RBFOX1: variants seen among roughly 807,000 people sequenced by gnomAD.
RBFOX1 encodes RNA binding protein fox-1 homolog 1.
A neutral mutation model predicts 57.7 loss-of-function variants in RBFOX1; 8 were observed. That is an observed-to-expected ratio of 0.14 (90% CI 0.08 to 0.25). The LOEUF is 0.25. Among genes scored for constraint, RBFOX1 ranks in the 10% least tolerant of loss-of-function variants. RBFOX1 has a pLI of 1.00. For synonymous variants in RBFOX1, 326 were observed against 222.4 expected, an observed-to-expected ratio of 1.47 and a Z score of -4.15; for missense variants, 611 against 548.5, an observed-to-expected ratio of 1.11 and a Z score of -1.14.
chr16:5,792,311 A>G (rs1019160548), intron 3 of RBFOX1, among the ~76,000 whole-genome samples: 1 of 152,190 alleles, frequency 6.6e-6, no homozygotes, highest in African/African-American at 2.4e-5. Context: ...CTAGAGAGAC[A>G]ACATCACAGC....
intron 4 of RBFOX1, among the ~76,000 whole-genome samples, chr16:7,485,202 TTTTG>T (rs1255451796): frequency 5.3e-5 from 8 of 152,196 alleles, no homozygotes; most frequent in African/African-American, 7.2e-5. Context: ...CTACCTGTTA[TTTTG>T]TTTTACAACT....
rs576469651 is a variant in RBFOX1 at position 7,031,287 on chromosome 16, A to C, written c.-15-20770A>C. ...GGCAGGTTGTTTAACCTTTGTGACT[A>C]CACTGTAGAGATAAAAGCAGTATCA... On this transcript the variant is annotated intron_variant, in intron 3 of 15. Transcript: ENST00000550418. Among the ~76,000 whole-genome samples the C allele has an allele frequency of 4.6e-5, 7 of 152,260 alleles. No individual in the cohort carries two copies. The East Asian group carries it at 1.4e-3, about 29-fold the overall frequency.
intron 2 of RBFOX1, among the ~76,000 whole-genome samples, chr16:6,539,832 C>G (rs1037357441): frequency 2.6e-5 from 4 of 151,966 alleles, no homozygotes; most frequent in Admixed American, 2.6e-4. Flanking sequence ...CACACACACA[C>G]ACACAGACTT....
At chr16:5,790,873 T>G (rs1298927315) in intron 3 of RBFOX1, among the ~76,000 whole-genome samples, 1 of 131,782 alleles carries the variant, frequency 7.6e-6, no homozygotes, top group Non-Finnish European at 1.6e-5. Context: ...TTTTTTTTTT[T>G]GTTTTTTTTT....
chr16:5,473,683 A>T (rs1488863352), intron 2 of RBFOX1, among the ~76,000 whole-genome samples: 1 of 81,274 alleles, frequency 1.2e-5, no homozygotes, highest in Non-Finnish European at 2.2e-5. Context: ...GGGTGGGTAG[A>T]TGGTTGGATG....
At chr16:6,989,047 G>C (rs2090946124) in intron 3 of RBFOX1, among the ~76,000 whole-genome samples, 2 of 152,072 alleles carry the variant, frequency 1.3e-5, no homozygotes, top group South Asian at 4.1e-4. Context: ...ATAAGCGTGA[G>C]CCACCGCGCC....
intron 2 of RBFOX1, among the ~76,000 whole-genome samples, chr16:6,646,014 C>G (rs1348901052): frequency 6.6e-6 from 1 of 152,038 alleles, no homozygotes; most frequent in African/African-American, 2.4e-5. Flanking sequence ...CAGGGTTTCC[C>G]GGCTACAAAA....
intron 3 of RBFOX1, among the ~76,000 whole-genome samples, chr16:6,756,331 A>T (rs1355725451): frequency 6.6e-6 from 1 of 152,188 alleles, no homozygotes; most frequent in Non-Finnish European, 1.5e-5. Flanking sequence ...CTCAAAATGC[A>T]TTAAAGATTG....
chr16:7,637,129 T>C (rs1471253939), intron 11 of RBFOX1, among the ~76,000 whole-genome samples: 1 of 152,146 alleles, frequency 6.6e-6, no homozygotes, highest in Non-Finnish European at 1.5e-5. Context: ...TCCGTATGCT[T>C]ATCAATGCCA....
At position 7,587,133 on chromosome 16, in the gene RBFOX1, G is replaced by A. The variant is rs34055207; in HGVS notation, c.415-114G>A. On this transcript the variant is annotated intron_variant, in intron 6 of 15. Transcript: ENST00000550418. ...ACATTAACCATAAAACATAAAATGT[G>A]TATCCTTGGTATTAAAAGAGAAAAA... 4.3e-3 allele frequency: 5,289 copies of A among 1,220,912 alleles called. 191 individuals carry two copies. In the African/African-American group the frequency reaches 0.072, roughly 17 times the overall value. 75.6% of individuals were successfully genotyped at this position (1,220,912 alleles called of 1,614,324 possible).
At chr16:5,817,828 C>A (rs563214735) in intron 3 of RBFOX1, among the ~76,000 whole-genome samples, 2 of 151,936 alleles carry the variant, frequency 1.3e-5, no homozygotes, top group African/African-American at 4.8e-5. Flanking sequence ...GTAGCTGGGA[C>A]TACAGGCACC....
intron 4 of RBFOX1, among the ~76,000 whole-genome samples, chr16:7,066,099 A>G (rs1017256023): frequency 2.6e-5 from 4 of 152,252 alleles, no homozygotes; most frequent in Non-Finnish European, 5.9e-5. Flanking sequence ...TAGTATTTGC[A>G]TGAGAATCTT....
rs151233788 is a variant in RBFOX1 at position 6,997,283 on chromosome 16, G to T, written c.-15-54774G>T. 3.9e-5 allele frequency among the ~76,000 whole-genome samples: 6 copies of T among 152,188 alleles called. No homozygotes were observed. In the East Asian group the frequency reaches 7.7e-4, roughly 20 times the overall value. ...TTCTCCTTCTAGTAAAAAAAAGTCTGCCACCAATACATGTTTATATTTGTT... is the reference window on the plus strand; with the variant it reads ...TTCTCCTTCTAGTAAAAAAAAGTCTTCCACCAATACATGTTTATATTTGTT... On this transcript the variant is annotated intron_variant, in intron 3 of 15. Transcript: ENST00000550418.
intron 4 of RBFOX1, among the ~76,000 whole-genome samples, chr16:7,329,361 A>G (rs1400192522): frequency 6.6e-6 from 1 of 152,118 alleles, no homozygotes; most frequent in African/African-American, 2.4e-5. Context: ...GCGTAATACC[A>G]CATAATAGAT....
At chr16:7,535,221 C>T (rs2081195724) in intron 5 of RBFOX1, among the ~76,000 whole-genome samples, 1 of 152,062 alleles carries the variant, frequency 6.6e-6, no homozygotes, top group Admixed American at 6.6e-5. Context: ...TGCAAACAGC[C>T]CTTATGAAAT....
At chr16:6,181,059 T>A (rs1237217864) in intron 1 of RBFOX1, among the ~76,000 whole-genome samples, 1 of 152,174 alleles carries the variant, frequency 6.6e-6, no homozygotes, top group East Asian at 1.9e-4. Flanking sequence ...TCCAAGTATT[T>A]AGACTCTACT....
At chr16:5,523,759 C>T (rs759251978) in intron 2 of RBFOX1, among the ~76,000 whole-genome samples, 2 of 152,220 alleles carry the variant, frequency 1.3e-5, no homozygotes, top group African/African-American at 2.4e-5. Context: ...AATGTCTATA[C>T]TCTTTTTCAT....
At chr16:7,103,753 A>G (rs1388857233) in intron 4 of RBFOX1, among the ~76,000 whole-genome samples, 2 of 152,198 alleles carry the variant, frequency 1.3e-5, no homozygotes, top group African/African-American at 4.8e-5. Context: ...GTGGTATCAG[A>G]ATTTGTACAG....
chr16:6,794,280 ATT>A (rs372963833), intron 3 of RBFOX1, among the ~76,000 whole-genome samples: 1,387 of 125,184 alleles, frequency 0.011, 9 homozygotes, highest in Non-Finnish European at 0.014. Context: ...CTTGTTCGTG[ATT>A]TTTTTTTTTT....
Sources: allele counts gnomAD v4.1 joint callset (sites outside exome capture counted in the v4.1 genomes callset), GRCh38; gene constraint gnomAD v4.1.1; transcripts MANE v1.5; gene names NCBI Gene and HGNC (gene_info 2026-07-23, HGNC 2026-07-21).